Variants in OTOF observed in about 807,000 individuals in gnomAD.
OTOF encodes the protein fer-1-like family member 2.
OTOF carries 218 observed loss-of-function variants against 236.8 expected under a neutral mutation model. That is an observed-to-expected ratio of 0.92 (90% CI 0.82 to 1.03). The LOEUF is 1.03. Among genes scored for constraint, OTOF ranks in the 50% least tolerant of loss-of-function variants. OTOF has a pLI of 0.00. For synonymous variants in OTOF, 1,041 were observed against 1,072.5 expected (o/e 0.97, Z 0.57); for missense variants, 2,590 against 2,694.4 (o/e 0.96, Z 0.86).
In OTOF at chr2:26,468,363, C is replaced by A. The variant is rs200047189; in HGVS notation, c.4090+45G>T. 142 of 1,490,122 alleles carry A rather than the reference C, an allele frequency of 9.5e-5. 1 individual carries two copies. The East Asian group carries it at 2.8e-3, about 29-fold the overall frequency. The allele number at this position is 1,490,122 out of a possible 1,614,324, so 92.3% of individuals were successfully genotyped here. A position where few individuals can be genotyped will look rare whatever the true frequency, so the allele number is the denominator to read the frequency against. On this transcript the variant is annotated intron_variant, in intron 33 of 46. Transcript: ENST00000272371. Reference sequence around the variant, plus strand: ...GAGGTGGGCAGGAGAGCTGACCACCCAGGGGCGGGGAGGAGGAGGCAGAGT... The same window carrying A: ...GAGGTGGGCAGGAGAGCTGACCACCAAGGGGCGGGGAGGAGGAGGCAGAGT...
chr2:26,511,423 T>C (rs1666386956), intron 5 of OTOF, among the ~76,000 whole-genome samples: 1 of 152,236 alleles, frequency 6.6e-6, no homozygotes, highest in Admixed American at 6.5e-5. Context: ...TGGAATGTTC[T>C]CTCAATGCTT....
chr2:26,488,292 T>A (rs1665748561), intron 11 of OTOF, among the ~76,000 whole-genome samples: 1 of 152,216 alleles, frequency 6.6e-6, no homozygotes. Context: ...GAGGGCCCAA[T>A]GTGACAATTG....
At chr2:26,478,789 C>G (rs755843612) in intron 18 of OTOF, among the ~76,000 whole-genome samples, 2 of 152,222 alleles carry the variant, frequency 1.3e-5, no homozygotes, top group African/African-American at 2.4e-5. Context: ...AACTCCGCCT[C>G]ACGGGTTCAA....
Position 26,489,697 on chromosome 2 carries a change from T to G in OTOF, c.941A>C (p.Asp314Ala). Reference sequence around the variant, plus strand: ...ACTCACCGAAATCTTGATGATCTTGTCAAACATGACATCCGGAGAGACATG... The same window carrying G: ...ACTCACCGAAATCTTGATGATCTTGGCAAACATGACATCCGGAGAGACATG... The part of the protein sequence containing the change: ...DFHVSPDVMF[D>A]KIIKISVIHS... Residue 314 changes from aspartate (D) to alanine (A), a missense_variant, in exon 10 of 47, where the codon GAC (aspartate) becomes GCC (alanine). This residue lies in a region of OTOF where 1,379 missense variants were observed against 1,341.6 expected (regional missense o/e 1.03). Coordinates refer to ENST00000272371, the MANE Select transcript of OTOF (RefSeq NM_194248.3). 1 of 1,612,984 alleles carries G rather than the reference T, an allele frequency of 6.2e-7. No individual in the cohort carries two copies. Among genetic ancestry groups the G allele is most frequent in the Non-Finnish European group, 8.5e-7 (1 of 1,179,910 alleles).
chr2:26,477,580 G>A lies in OTOF; in HGVS notation c.2315+69C>T. The A allele has an allele frequency of 6.2e-7, 1 of 1,601,056 alleles. No individual in the cohort carries two copies. The highest frequency in any genetic ancestry group is 8.5e-7 in the Non-Finnish European group (1 of 1,172,202). On this transcript the variant is annotated intron_variant, in intron 19 of 46. Coordinates refer to ENST00000272371, the MANE Select transcript of OTOF (RefSeq NM_194248.3). This position sits in a 1 kb window ranked among gnomAD's most constrained non-coding sequence, Gnocchi z 4.7. ...CTGTAGATTCTTCCTCATCTGCCCA[G>A]CCCTGGCAGGGTCCCCTTTGTCCAG...
At chr2:26,522,915 T>C (rs939113968) in intron 3 of OTOF, among the ~76,000 whole-genome samples, 1 of 152,232 alleles carries the variant, frequency 6.6e-6, no homozygotes, top group Non-Finnish European at 1.5e-5. Context: ...GGAGGCTGTC[T>C]GGCCCCACGA....
intron 2 of OTOF, among the ~76,000 whole-genome samples, chr2:26,528,882 G>A (rs1300136421): frequency 6.6e-6 from 1 of 152,250 alleles, no homozygotes; most frequent in East Asian, 1.9e-4. Context: ...ATACCTGCAA[G>A]AGGGGCAGCA....
At position 26,473,448 on chromosome 2, in the gene OTOF, C is replaced by G. The variant is rs1463444090; in HGVS notation, c.3528G>C (p.Lys1176Asn). The change falls in exon 28 of 47, where the codon AAG (lysine) becomes AAC (asparagine). Residue 1176 changes from lysine to asparagine, a missense_variant. Lys to Asn is a moderately conservative substitution (Grantham distance 94). Transcript: ENST00000272371. This position sits in a 1 kb window ranked among gnomAD's most constrained non-coding sequence, Gnocchi z 7.2. ...CGAGGGTGTTGAAGTTGGGGTTCTTCTTATAATTGTGGATCAGGGACGACT... is the reference window on the plus strand; with the variant it reads ...CGAGGGTGTTGAAGTTGGGGTTCTTGTTATAATTGTGGATCAGGGACGACT... ...GVQSSLIHNY[K>N]KNPNFNTLVK... 6.2e-7 allele frequency: 1 copy of G among 1,613,300 alleles called. No individual in the cohort carries two copies. The highest frequency in any genetic ancestry group is 1.3e-5 in the African/African-American group (1 of 74,902).
intron 13 of OTOF, 122 bp from the exon 14 acceptor site, chr2:26,482,714 TGCATGC>T (rs1665577047): frequency 1.3e-6 from 1 of 765,156 alleles, no homozygotes. Context: ...TGAGTGGGTG[TGCATGC>T]GTGTGTGAGT....
chr2:26,504,214 C>T (rs528100681), intron 5 of OTOF, among the ~76,000 whole-genome samples: 2 of 152,164 alleles, frequency 1.3e-5, no homozygotes, highest in African/African-American at 4.8e-5. Context: ...CTCAGAGCTC[C>T]GAGCCCTGCC....
intron 2 of OTOF, among the ~76,000 whole-genome samples, chr2:26,532,529 A>G (rs7592657): frequency 0.18 from 27,374 of 152,204 alleles, 7,867 homozygotes; most frequent in African/African-American, 0.61. Context: ...GAACGCAGGG[A>G]TGCAGGGTTG....
At chr2:26,497,437 C>G (rs553877890) in intron 8 of OTOF, among the ~76,000 whole-genome samples, 1 of 152,264 alleles carries the variant, frequency 6.6e-6, no homozygotes, top group East Asian at 1.9e-4. Flanking sequence ...TCATGCCTGT[C>G]ATCTTGGAGA....
At position 26,477,916 on chromosome 2, in the gene OTOF, G is replaced by A. The variant is rs1665401022; in HGVS notation, c.2215-167C>T. 5 of 1,521,710 alleles carry A rather than the reference G, an allele frequency of 3.3e-6. No individual in the cohort carries two copies. The South Asian group carries it at 5.0e-5, about 15-fold the overall frequency. The allele number at this position is 1,521,710 out of a possible 1,614,324, so 94.3% of individuals were successfully genotyped here. Reference sequence around the variant, plus strand: ...CATGAGGAAGTCATCAATTTCCCAGGTTCTGTTCTCAGAACCTGGAGATGT... The same window carrying A: ...CATGAGGAAGTCATCAATTTCCCAGATTCTGTTCTCAGAACCTGGAGATGT... On this transcript the variant is annotated intron_variant, in intron 18 of 46. Transcript: ENST00000272371. This position sits in a 1 kb window ranked among gnomAD's most constrained non-coding sequence, Gnocchi z 4.7.
Position 26,462,622 on chromosome 2 carries a change from GGGATTGCAGACAGGGCTGC to G in OTOF, c.5193-460_5193-442del, listed in dbSNP as rs1664534277. ...AAATTGATCTGAGCATGGCTCTCCT[GGGATTGCAGACAGGGCTGC>G]GAGCCCAGAGTGGCCCAGTGAGTTG... On this transcript the variant is annotated intron_variant, in intron 41 of 46. Transcript: ENST00000272371. This position sits in a 1 kb window ranked among gnomAD's most constrained non-coding sequence, Gnocchi z 4.7. 6.6e-6 allele frequency among the ~76,000 whole-genome samples: 1 copy of G among 152,234 alleles called. No individual in the cohort carries two copies. The highest frequency in any genetic ancestry group is 1.5e-5 in the Non-Finnish European group (1 of 68,048).
chr2:26,493,046 G>A (rs1361586806), intron 9 of OTOF, among the ~76,000 whole-genome samples: 1 of 152,190 alleles, frequency 6.6e-6, no homozygotes, highest in Admixed American at 6.5e-5. Context: ...CTGTCTCCAT[G>A]CCTGTCTTGG....
intron 1 of OTOF, among the ~76,000 whole-genome samples, chr2:26,539,561 C>T (rs955808467): frequency 2.0e-5 from 3 of 152,074 alleles, no homozygotes; most frequent in African/African-American, 7.2e-5. Flanking sequence ...CATGGAGAAA[C>T]CCCGTCTCTA....
At chr2:26,546,469 A>AAG (rs1418907424) in intron 1 of OTOF, among the ~76,000 whole-genome samples, 2 of 148,212 alleles carry the variant, frequency 1.3e-5, no homozygotes, top group African/African-American at 5.0e-5. Context: ...CTCAAAAAGA[A>AAG]AAAAAAAAAA....
At chr2:26,512,177 G>A (rs946948278) in intron 5 of OTOF, among the ~76,000 whole-genome samples, 17 of 152,322 alleles carry the variant, frequency 1.1e-4, no homozygotes, top group African/African-American at 4.1e-4. Context: ...GGGTCGTGGA[G>A]GGCAGGAGAG....
At position 26,470,609 on chromosome 2, in the gene OTOF, A is replaced by G; in HGVS notation, c.4007T>C (p.Ile1336Thr). Residue 1336 changes from isoleucine to threonine, a missense_variant, in exon 32 of 47, where the codon ATT (isoleucine) becomes ACT (threonine). Around this residue, in one of 2 missense-constraint regions of OTOF, gnomAD observed 1,211 missense variants for 1,352.8 expected, o/e 0.90. Coordinates refer to ENST00000272371, the MANE Select transcript of OTOF (RefSeq NM_194248.3). This position sits in a 1 kb window ranked among gnomAD's most constrained non-coding sequence, Gnocchi z 4.3. ...LDWWSKYFAS[I>T]DTMKEQLRQQ... ...AGGTCTCACCTCCTTCATGGTGTCA[A>G]TGGAGGCAAAGTACTTGGACCACCA... 2 of 1,614,108 alleles carry G rather than the reference A, an allele frequency of 1.2e-6. No homozygotes were observed. Among genetic ancestry groups the G allele is most frequent in the Non-Finnish European group, 8.5e-7 (1 of 1,180,008 alleles).
Sources: allele counts gnomAD v4.1 joint callset (sites outside exome capture counted in the v4.1 genomes callset), GRCh38; gene constraint gnomAD v4.1.1; regional missense constraint gnomAD v4.1.1; non-coding constraint Gnocchi (gnomAD v3.1); transcripts MANE v1.5; gene names NCBI Gene and HGNC (gene_info 2026-07-23, HGNC 2026-07-21).